The following MTHFSD variants were observed in gnomAD, a reference collection of about 807,000 sequenced individuals.
MTHFSD encodes the protein methenyltetrahydrofolate synthetase domain containing, also known as methenyltetrahydrofolate synthase domain-containing protein.
In MTHFSD, 37 loss-of-function variants were observed where a neutral mutation model predicts 31.1. That is an observed-to-expected ratio of 1.19 (90% CI 0.91 to 1.56). The LOEUF (loss-of-function observed/expected upper bound fraction) is 1.56. MTHFSD is among the 40% of genes most tolerant of loss of function. MTHFSD has a pLI of 0.00. For missense variants in MTHFSD, 664 were observed against 510.1 expected (o/e 1.30, Z -2.91); for synonymous variants, 221 against 206.9 (o/e 1.07, Z -0.59).
At chr16:86,539,963 G>A (rs7194457) in intron 7 of MTHFSD, among the ~76,000 whole-genome samples, 2,217 of 152,214 alleles carry the variant, frequency 0.015, 54 homozygotes, top group African/African-American at 0.05. Flanking sequence ...ATCATGGAGA[G>A]GTATGCCAAA....
chr16:86,554,818 A>G, intron 1 of MTHFSD, 67 bp from the exon 2 acceptor site: 1 of 1,397,590 alleles, frequency 7.2e-7, no homozygotes, highest in Non-Finnish European at 1.0e-6. Flanking sequence ...AAACCGCTTA[A>G]CAGTAGTTAA....
intron 5 of MTHFSD, among the ~76,000 whole-genome samples, chr16:86,543,610 A>G (rs1340915651): frequency 6.6e-6 from 1 of 152,216 alleles, no homozygotes; most frequent in Non-Finnish European, 1.5e-5. Flanking sequence ...GCTGACAGGA[A>G]GGGGCTCTAA....
chr16:86,540,067 T>G (rs1364473903), intron 7 of MTHFSD, among the ~76,000 whole-genome samples: 2 of 152,194 alleles, frequency 1.3e-5, no homozygotes, highest in Non-Finnish European at 2.9e-5. Flanking sequence ...TAGAGATTTT[T>G]TTTTTCTCCC....
rs1369647944 is a variant in MTHFSD, at chr16:86,530,324, A to G, written c.*1687T>C. 2 of 152,276 alleles carry G rather than the reference A, an allele frequency of 1.3e-5. No individual in the cohort carries two copies. Among genetic ancestry groups the G allele is most frequent in the African/African-American group, 4.8e-5 (2 of 41,462 alleles). 9.4% of individuals were successfully genotyped at this position (152,276 alleles called of 1,614,324 possible). A position where few individuals can be genotyped will look rare whatever the true frequency, so the allele number is the denominator to read the frequency against. On this transcript the variant is annotated 3_prime_UTR_variant, in exon 8 of 8. Transcript: ENST00000360900. ...ATTATTCTGGCTAAAGCGACAGGAAATCCCAGCAGTCTGGCTTCCCCGAGT... is the reference window on the plus strand; with the variant it reads ...ATTATTCTGGCTAAAGCGACAGGAAGTCCCAGCAGTCTGGCTTCCCCGAGT...
Position 86,532,245 on chromosome 16 carries a change from G to A in MTHFSD, c.918C>T (p.Ala306=), listed in dbSNP as rs760286282. 6 of 1,568,440 alleles carry A rather than the reference G, an allele frequency of 3.8e-6. No individual in the cohort carries two copies. Among genetic ancestry groups the A allele is most frequent in the African/African-American group, 2.7e-5 (2 of 73,576 alleles). The change falls in exon 8 of 8, where the codon GCC becomes GCT. Residue 306 remains alanine, a synonymous_variant. Coordinates refer to ENST00000360900, the MANE Select transcript of MTHFSD (RefSeq NM_001159377.2). The part of the protein sequence containing the change: ...SPPGEGAPLA[A]DVYVGNLPGD... ...CGGGGAGGTTCCCAACGTAAACATC[G>A]GCTGCAAGCGGGGCACCCTCCCCTG...
At chr16:86,541,386 T>C (rs1464094939) in intron 7 of MTHFSD, 1 of 557,474 alleles carries the variant, frequency 1.8e-6, no homozygotes, top group Non-Finnish European at 2.9e-6. Flanking sequence ...AAACAACTCT[T>C]AAAAATGAAA....
intron 4 of MTHFSD, among the ~76,000 whole-genome samples, chr16:86,547,775 T>C (rs769843836): frequency 1.2e-4 from 19 of 152,228 alleles, no homozygotes; most frequent in Non-Finnish European, 2.6e-4. Flanking sequence ...GTTCCAGTTT[T>C]ATACATTAGG....
Position 86,532,420 on chromosome 16 carries a change from T to A in MTHFSD, c.743A>T (p.Gln248Leu). 1 of 1,492,828 alleles carries A rather than the reference T, an allele frequency of 6.7e-7. No individual in the cohort carries two copies. The highest frequency in any genetic ancestry group is 8.9e-7 in the Non-Finnish European group (1 of 1,121,016). 92.5% of individuals were successfully genotyped at this position (1,492,828 alleles called of 1,614,324 possible). A position where few individuals can be genotyped will look rare whatever the true frequency, so the allele number is the denominator to read the frequency against. ...ILRSLRAREQ[Q>L]AGKDVTLQGE... ...CTGGAGGGTGACATCCTTCCCAGCC[T>A]GCTGCTCTCGGGCGCGGAGGCTCCT... The change falls in exon 8 of 8, where the codon CAG (glutamine) becomes CTG (leucine). Residue 248 changes from glutamine (Q) to leucine (L), a missense_variant. Gln to Leu is a moderately radical substitution (Grantham distance 113). Transcript: ENST00000360900.
Position 86,541,795 on chromosome 16 carries a change from C to T in MTHFSD, c.583G>A (p.Glu195Lys). 1 of 1,614,176 alleles carries T rather than the reference C, an allele frequency of 6.2e-7. No homozygotes were observed. The highest frequency in any genetic ancestry group is 8.5e-7 in the Non-Finnish European group (1 of 1,180,038). The change falls in exon 7 of 8, where the codon GAG becomes AAG. Residue 195 changes from glutamate to lysine, a missense_variant. By Grantham distance (56) the Glu-to-Lys change is moderately conservative. Transcript: ENST00000360900. Reference protein sequence around the residue: ...QVVDIPEELVEEHDITVDYIL... With the variant: ...QVVDIPEELVKEHDITVDYIL... Reference sequence around the variant, plus strand: ...TAGTCCACAGTGATGTCGTGCTCCTCAACAAGCTCTTCAGGGATGTCCACG... The same window carrying T: ...TAGTCCACAGTGATGTCGTGCTCCTTAACAAGCTCTTCAGGGATGTCCACG...
At chr16:86,536,089 A>C (rs1267329333) in intron 7 of MTHFSD, among the ~76,000 whole-genome samples, 1 of 152,218 alleles carries the variant, frequency 6.6e-6, no homozygotes, top group Non-Finnish European at 1.5e-5. Context: ...TCCTGGGCTC[A>C]AGTGATCCTC....
rs1056025715 is a variant in MTHFSD, at chr16:86,531,171, G to T, written c.*840C>A. ...AAGCTTATTTTGACTTGTTGCCCGG[G>T]ATCAATTGCAAAAGCGCTTCTGTTG... On this transcript the variant is annotated 3_prime_UTR_variant, in exon 8 of 8. Transcript: ENST00000360900. The surrounding 1 kb of genome is among the most constrained non-coding windows in gnomAD (Gnocchi z 5.5). The T allele has an allele frequency of 6.6e-6, 1 of 152,204 alleles. No individual in the cohort carries two copies. The highest frequency in any genetic ancestry group is 1.5e-5 in the Non-Finnish European group (1 of 68,034). 9.4% of individuals were successfully genotyped at this position (152,204 alleles called of 1,614,324 possible). A position where few individuals can be genotyped will look rare whatever the true frequency, so the allele number is the denominator to read the frequency against.
At chr16:86,535,104 C>T in intron 7 of MTHFSD, 1 of 431,960 alleles carries the variant, frequency 2.3e-6, no homozygotes, top group Non-Finnish European at 3.1e-6. Context: ...CTCCTTTATT[C>T]TGAGCCAGCA....
At chr16:86,543,799 G>A (rs557966460) in intron 5 of MTHFSD, among the ~76,000 whole-genome samples, 27 of 152,358 alleles carry the variant, frequency 1.8e-4, no homozygotes, top group Non-Finnish European at 3.1e-4. Context: ...AGCACGAGGT[G>A]GGCAGTGAGA....
rs1354311884 is a variant in MTHFSD at position 86,555,217 on chromosome 16, G to T, written c.-33C>A. The stretch of plus-strand genomic sequence containing the variant: ...CAGTCGCTGTGCGACGCTTCCCGGC[G>T]CAGGTTCTGGCGCGTAGTGACGTCA... On this transcript the variant is annotated 5_prime_UTR_variant, in exon 1 of 8. Transcript: ENST00000360900. The T allele has an allele frequency of 3.9e-6, 6 of 1,535,910 alleles. No homozygotes were observed. The highest frequency in any genetic ancestry group is 2.7e-5 in the African/African-American group (2 of 73,020).
chr16:86,533,019 C>A (rs1970188417), intron 7 of MTHFSD: 1 of 152,270 alleles, frequency 6.6e-6, no homozygotes, highest in African/African-American at 2.4e-5. Flanking sequence ...TCAGGGGTCA[C>A]CCCCTTCAAT....
chr16:86,551,410 C>T (rs966507283), intron 3 of MTHFSD, among the ~76,000 whole-genome samples: 1 of 152,192 alleles, frequency 6.6e-6, no homozygotes, highest in African/African-American at 2.4e-5. Context: ...GCAAAAAGAA[C>T]TAAATCTTCC....
At chr16:86,541,072 C>A in intron 7 of MTHFSD, 1 of 1,247,762 alleles carries the variant, frequency 8.0e-7, no homozygotes, top group Non-Finnish European at 1.0e-6. Context: ...TTTGTCCACA[C>A]GAAGCACAAA....
At chr16:86,534,987 C>T (rs141584325) in intron 7 of MTHFSD, among the ~76,000 whole-genome samples, 2 of 152,324 alleles carry the variant, frequency 1.3e-5, no homozygotes, top group Admixed American at 6.5e-5. Flanking sequence ...ATGGCAGAAG[C>T]GAGCATTCTC....
chr16:86,552,646 T>G (rs1474547305), intron 2 of MTHFSD, among the ~76,000 whole-genome samples: 1 of 152,228 alleles, frequency 6.6e-6, no homozygotes, highest in Non-Finnish European at 1.5e-5. Flanking sequence ...GATTTCTACA[T>G]GATTCTCTAC....
Sources: gnomAD v4.1 joint callset for allele counts (sites outside exome capture counted in the v4.1 genomes callset) on GRCh38, gnomAD v4.1.1 for gene constraint, Gnocchi (gnomAD v3.1) non-coding constraint, MANE v1.5 for transcripts, NCBI Gene and HGNC (gene_info 2026-07-23, HGNC 2026-07-21) for gene names.